Variants in XRCC5 observed in about 807,000 individuals in gnomAD.
XRCC5 encodes the protein DNA repair protein Ku80.
Under a neutral mutation model 95.7 loss-of-function variants are expected in XRCC5, and 12 were observed. The observed-to-expected ratio is 0.13, with a 90% CI of 0.08 to 0.20. The LOEUF is 0.20. XRCC5 is among the 10% of genes least tolerant of loss of function. The pLI, the probability that XRCC5 is intolerant of heterozygous loss-of-function variation, is 1.00. For synonymous variants in XRCC5, 281 were observed against 290.3 expected, an observed-to-expected ratio of 0.97 and a Z score of 0.33; for missense variants, 595 against 873.9, an observed-to-expected ratio of 0.68 and a Z score of 4.02.
chr2:216,167,576 G>A (rs1574475267), intron 16 of XRCC5, among the ~76,000 whole-genome samples: 1 of 63,720 alleles, frequency 1.6e-5, no homozygotes, highest in African/African-American at 1.4e-4. Context: ...GGGTTTGTGT[G>A]TGTGTGTGTG....
chr2:216,133,966 A>G lies in XRCC5; in HGVS notation c.1113+1579A>G, dbSNP rs181657153. On this transcript the variant is annotated intron_variant, in intron 10 of 20. Coordinates refer to ENST00000392132, the MANE Select transcript of XRCC5 (RefSeq NM_021141.4). ...TGGAGAATTATCTTGTAGAATAGAA[A>G]TTAAACTCTGCTTCGTATCAGAGGG... Among the ~76,000 whole-genome samples the G allele has an allele frequency of 1.7e-3, 256 of 152,326 alleles. 1 individual carries two copies. Among genetic ancestry groups the G allele is most frequent in the Admixed American group, 0.012 (177 of 15,306 alleles).
chr2:216,183,455 C>G (rs1207183920), intron 16 of XRCC5, among the ~76,000 whole-genome samples: 1 of 152,118 alleles, frequency 6.6e-6, no homozygotes, highest in East Asian at 1.9e-4. Flanking sequence ...TCTGACTGAA[C>G]TTGTGGAACT....
intron 16 of XRCC5, among the ~76,000 whole-genome samples, chr2:216,181,207 C>T (rs1264938808): frequency 6.6e-6 from 1 of 152,102 alleles, no homozygotes; most frequent in Non-Finnish European, 1.5e-5. Flanking sequence ...CTGTCTTTTC[C>T]TTTCCATCTT....
intron 16 of XRCC5, among the ~76,000 whole-genome samples, chr2:216,170,396 A>G (rs930698546): frequency 5.3e-5 from 8 of 152,166 alleles, no homozygotes; most frequent in African/African-American, 1.9e-4. Context: ...GAATTCATGA[A>G]GGCTTTCTCA....
chr2:216,195,381 TTTTCTTTTCTC>T (rs1478088110), intron 19 of XRCC5, among the ~76,000 whole-genome samples: 4 of 127,542 alleles, frequency 3.1e-5, no homozygotes, highest in Non-Finnish European at 6.8e-5. Context: ...TTTTCTTTTC[TTTTCTTTTCTC>T]TTTCTTTTCT....
intron 14 of XRCC5, 128 bp downstream of exon 14, chr2:216,148,404 A>C (rs1311785595): frequency 3.8e-6 from 3 of 789,520 alleles, no homozygotes; most frequent in Non-Finnish European, 5.9e-6. Context: ...GCCTTTTGCT[A>C]TTTGGCCCTT....
At position 216,205,063 on chromosome 2, in the gene XRCC5, A is replaced by C. The variant is rs1689917436; in HGVS notation, c.2185-125A>C. On this transcript the variant is annotated intron_variant, in intron 20 of 20. Coordinates refer to ENST00000392132, the MANE Select transcript of XRCC5 (RefSeq NM_021141.4). The stretch of plus-strand genomic sequence containing the variant: ...TAACTCCTAAAATAATGAGCGGTGA[A>C]TAAATGAGCAAGTACATGCATGCCT... 4 of 1,120,720 alleles carry C rather than the reference A, an allele frequency of 3.6e-6. No homozygotes were observed. The African/African-American group carries it at 4.6e-5, about 13-fold the overall frequency. 69.4% of individuals were successfully genotyped at this position (1,120,720 alleles called of 1,614,324 possible).
intron 8 of XRCC5, 182 bp downstream of exon 8, chr2:216,127,856 T>C: frequency 1.9e-6 from 1 of 524,486 alleles, no homozygotes; most frequent in Non-Finnish European, 3.0e-6. Flanking sequence ...TTAGGCAGGT[T>C]GCTTCTCAGG....
chr2:216,137,712 G>A (rs1223340486), intron 11 of XRCC5, among the ~76,000 whole-genome samples: 1 of 152,130 alleles, frequency 6.6e-6, no homozygotes, highest in African/African-American at 2.4e-5. Context: ...GTAAAATACA[G>A]TTCTAAATTC....
At position 216,160,095 on chromosome 2, in the gene XRCC5, A is replaced by G. The variant is rs748927751; in HGVS notation, c.1698A>G (p.Lys566=). The G allele has an allele frequency of 4.4e-6, 7 of 1,602,980 alleles. No individual in the cohort carries two copies. Among genetic ancestry groups the G allele is most frequent in the Non-Finnish European group, 6.0e-6 (7 of 1,174,192 alleles). ...ATGAAGATGGACCTACAGCTAAAAAATTAAAGACTGAGCAAGGGGGAGCCC... is the reference window on the plus strand; with the variant it reads ...ATGAAGATGGACCTACAGCTAAAAAGTTAAAGACTGAGCAAGGGGGAGCCC... ...DNHEDGPTAK[K]LKTEQGGAHF... The change falls in exon 15 of 21, where the codon AAA becomes AAG. Residue 566 remains lysine, a synonymous_variant. Coordinates refer to ENST00000392132, the MANE Select transcript of XRCC5 (RefSeq NM_021141.4).
chr2:216,123,457 T>C (rs910931125), intron 6 of XRCC5, among the ~76,000 whole-genome samples: 1 of 152,216 alleles, frequency 6.6e-6, no homozygotes, highest in African/African-American at 2.4e-5. Context: ...AAGTTGTTTC[T>C]CTTTCAAATT....
chr2:216,117,736 A>G lies in XRCC5; in HGVS notation c.320-10A>G, dbSNP rs1204855970. 2 of 1,613,786 alleles carry G rather than the reference A, an allele frequency of 1.2e-6. No homozygotes were observed. Among genetic ancestry groups the G allele is most frequent in the African/African-American group, 2.7e-5 (2 of 74,922 alleles). On this transcript the variant is annotated splice_polypyrimidine_tract_variant and intron_variant, in intron 3 of 20. Transcript: ENST00000392132. Reference sequence around the variant, plus strand: ...CTGTTTGGTGATATCCCTATCCTTAACTAGCTGAGTCCTGGATGCACTAAT... The same window carrying G: ...CTGTTTGGTGATATCCCTATCCTTAGCTAGCTGAGTCCTGGATGCACTAAT...
intron 8 of XRCC5, among the ~76,000 whole-genome samples, chr2:216,129,599 A>G (rs1447342615): frequency 6.6e-6 from 1 of 152,242 alleles, no homozygotes; most frequent in Non-Finnish European, 1.5e-5. Flanking sequence ...CATGTGCCAT[A>G]CATTTCCCTG....
chr2:216,137,462 A>T (rs1200378414), intron 11 of XRCC5, among the ~76,000 whole-genome samples: 1 of 151,920 alleles, frequency 6.6e-6, no homozygotes, highest in East Asian at 1.9e-4. Flanking sequence ...ATAATATAAG[A>T]ATCTTTTAAT....
chr2:216,161,903 A>G, intron 15 of XRCC5, 76 bp from the exon 16 acceptor site: 1 of 1,190,024 alleles, frequency 8.4e-7, no homozygotes, highest in Non-Finnish European at 1.3e-6. Flanking sequence ...TATTACATTA[A>G]GCCATCTTGT....
chr2:216,183,429 G>C (rs1306821499), intron 16 of XRCC5, among the ~76,000 whole-genome samples: 1 of 152,154 alleles, frequency 6.6e-6, no homozygotes, highest in African/African-American at 2.4e-5. Flanking sequence ...AAATCATTAA[G>C]CATGAAAAAA....
At chr2:216,147,302 A>G (rs73058464) in intron 13 of XRCC5, among the ~76,000 whole-genome samples, 6,933 of 152,162 alleles carry the variant, frequency 0.046, 486 homozygotes, top group African/African-American at 0.16. Context: ...AGCCCAGCCT[A>G]TTGGGGTTGT....
At chr2:216,175,852 C>G (rs1223309882) in intron 16 of XRCC5, 11 of 429,634 alleles carry the variant, frequency 2.6e-5, no homozygotes, top group Middle Eastern at 3.8e-4. Flanking sequence ...TGAGTGTGCC[C>G]CCTTTCTCAA....
chr2:216,184,453 C>G (rs1371765628), intron 16 of XRCC5, among the ~76,000 whole-genome samples: 2 of 152,054 alleles, frequency 1.3e-5, no homozygotes, highest in Non-Finnish European at 2.9e-5. Flanking sequence ...ATTTTAGCTT[C>G]CCTTATAATT....
Sources: allele counts gnomAD v4.1 joint callset (sites outside exome capture counted in the v4.1 genomes callset), GRCh38; gene constraint gnomAD v4.1.1; transcripts MANE v1.5; gene names NCBI Gene and HGNC (gene_info 2026-07-23, HGNC 2026-07-21).